The following RIMS1 variants were observed in gnomAD, a reference collection of about 807,000 sequenced individuals.
RIMS1 encodes regulating synaptic membrane exocytosis protein 1.
RIMS1 carries 83 observed loss-of-function variants against 214.1 expected under a neutral mutation model. The observed-to-expected ratio is 0.39, with a 90% CI of 0.32 to 0.47. The LOEUF (loss-of-function observed/expected upper bound fraction) is 0.47, where lower values mean the gene tolerates loss of function less well. Among genes scored for constraint, RIMS1 ranks in the 20% least tolerant of loss-of-function variants. The pLI is 0.99. For synonymous variants in RIMS1, 793 were observed against 786.8 expected (o/e 1.01, Z -0.13); for missense variants, 2,050 against 2,161.8 (o/e 0.95, Z 1.03).
chr6:72,286,151 TGCGCCATTGC>T (rs1191511313), intron 24 of RIMS1, among the ~76,000 whole-genome samples: 9 of 151,388 alleles, frequency 5.9e-5, no homozygotes, highest in Admixed American at 6.6e-5. Flanking sequence ...GAGCCGAGAT[TGCGCCATTGC>T]ACTCCAGCCT....
chr6:72,144,888 TC>T (rs199707517), intron 4 of RIMS1, among the ~76,000 whole-genome samples: 22 of 151,070 alleles, frequency 1.5e-4, no homozygotes, highest in Non-Finnish European at 3.2e-4. Flanking sequence ...CTTTCTTTTT[TC>T]TTTTTTTTTT....
intron 1 of RIMS1, among the ~76,000 whole-genome samples, chr6:71,928,818 G>A (rs1350913368): frequency 6.6e-6 from 1 of 152,038 alleles, no homozygotes; most frequent in Non-Finnish European, 1.5e-5. Context: ...TCATCCAGAT[G>A]ATTTTAACAT....
At chr6:71,999,209 T>C (rs368425725) in intron 2 of RIMS1, among the ~76,000 whole-genome samples, 12 of 152,240 alleles carry the variant, frequency 7.9e-5, no homozygotes, top group East Asian at 3.9e-4. Context: ...TCATACCAAA[T>C]GTTGGTAATC....
chr6:72,137,734 C>CTTT (rs1220065879), intron 4 of RIMS1, among the ~76,000 whole-genome samples: 12 of 128,676 alleles, frequency 9.3e-5, no homozygotes, highest in South Asian at 2.5e-4. Context: ...TCTATACAAT[C>CTTT]TTTTTTTTTT....
intron 2 of RIMS1, among the ~76,000 whole-genome samples, chr6:71,986,505 G>A (rs1476694767): frequency 1.3e-5 from 2 of 152,176 alleles, no homozygotes; most frequent in Admixed American, 1.3e-4. Flanking sequence ...GGGGAGAAGA[G>A]CATGGATTAT....
At chr6:71,920,123 A>G (rs1048354478) in intron 1 of RIMS1, among the ~76,000 whole-genome samples, 1 of 152,232 alleles carries the variant, frequency 6.6e-6, no homozygotes, top group Non-Finnish European at 1.5e-5. Flanking sequence ...AGGAATCAGT[A>G]AATTATGGTT....
At chr6:72,377,970 A>G (rs1308525180) in intron 29 of RIMS1, among the ~76,000 whole-genome samples, 1 of 152,218 alleles carries the variant, frequency 6.6e-6, no homozygotes, top group Non-Finnish European at 1.5e-5. Flanking sequence ...ATACTTACAC[A>G]TGCTGTCTGC....
At chr6:72,119,941 A>G (rs941074705) in intron 4 of RIMS1, among the ~76,000 whole-genome samples, 3 of 151,644 alleles carry the variant, frequency 2.0e-5, no homozygotes, top group African/African-American at 7.3e-5. Context: ...CCTCGGAATG[A>G]TGGTTTCCAG....
chr6:72,349,472 A>G lies in RIMS1; in HGVS notation c.4366+15637A>G, dbSNP rs895308351. Among the ~76,000 whole-genome samples the G allele has an allele frequency of 3.3e-5, 5 of 152,140 alleles. No individual in the cohort carries two copies. The South Asian group carries it at 8.3e-4, about 25-fold the overall frequency. ...TATAGTTGCATTGAAACACTGCTAT[A>G]TCTAGTGATGTAATGATGTAAAAGT... On this transcript the variant is annotated intron_variant, in intron 29 of 33. Transcript: ENST00000521978.
rs1336510966 is a variant in RIMS1 at position 72,216,476 on chromosome 6, C to G, written c.1679-17297C>G. 3 of 985,304 alleles carry G rather than the reference C, an allele frequency of 3.0e-6. No homozygotes were observed. The East Asian group carries it at 3.4e-4, about 112-fold the overall frequency. The allele number at this position is 985,304 out of a possible 1,614,324, so 61.0% of individuals were successfully genotyped here. On this transcript the variant is annotated intron_variant, in intron 6 of 33. Transcript: ENST00000521978. ...TGAAGAAGCACTTTTGCCTGTGTTC[C>G]CAACAATCAATTGTGTATACTCTTG...
chr6:71,901,693 G>T (rs897565740), intron 1 of RIMS1, among the ~76,000 whole-genome samples: 1 of 152,110 alleles, frequency 6.6e-6, no homozygotes. Flanking sequence ...ATTGATAGAG[G>T]TATGTATTAT....
At chr6:71,910,843 C>T (rs1776673881) in intron 1 of RIMS1, among the ~76,000 whole-genome samples, 5 of 152,098 alleles carry the variant, frequency 3.3e-5, no homozygotes, top group Admixed American at 3.3e-4. Context: ...TAATTTTTCA[C>T]TACCTTTTGG....
chr6:72,318,879 C>G (rs975364770), intron 28 of RIMS1, among the ~76,000 whole-genome samples: 4 of 152,076 alleles, frequency 2.6e-5, no homozygotes, highest in Admixed American at 1.3e-4. Flanking sequence ...CTTGTGACCT[C>G]AAGTTGGTAT....
At chr6:72,384,118 T>C (rs2098544822) in intron 29 of RIMS1, among the ~76,000 whole-genome samples, 1 of 152,166 alleles carries the variant, frequency 6.6e-6, no homozygotes, top group East Asian at 1.9e-4. Flanking sequence ...ATGTTATCTA[T>C]CTTTATACAT....
rs1433159960 is a variant in RIMS1, at chr6:72,120,056, A to T, written c.471+20070A>T. Among the ~76,000 whole-genome samples, 3 of 151,944 alleles carry T rather than the reference A, an allele frequency of 2.0e-5. 1 individual carries two copies. Among genetic ancestry groups the T allele is most frequent in the South Asian group, 4.2e-4 (2 of 4,812 alleles). On this transcript the variant is annotated intron_variant, in intron 4 of 33. Transcript: ENST00000521978. The stretch of plus-strand genomic sequence containing the variant: ...ATTTTCTTAATCCAGTCTATCATTG[A>T]TGGACATTTGGGTCGGTTCCAAGTC...
At chr6:72,356,345 T>A (rs78232730) in intron 29 of RIMS1, among the ~76,000 whole-genome samples, 1,820 of 152,256 alleles carry the variant, frequency 0.012, 19 homozygotes, top group African/African-American at 0.028. Flanking sequence ...CTTAAACTCT[T>A]CCACTGAAAG....
intron 2 of RIMS1, 112 bp from the exon 3 acceptor site, chr6:72,096,837 T>A (rs779497914): frequency 5.7e-6 from 5 of 873,940 alleles, no homozygotes; most frequent in African/African-American, 1.7e-5. Context: ...TGTTTTGCTT[T>A]AGTTCAAAGA....
chr6:71,958,974 C>A (rs1211238805), intron 1 of RIMS1, among the ~76,000 whole-genome samples: 1 of 152,050 alleles, frequency 6.6e-6, no homozygotes, highest in African/African-American at 2.4e-5. Flanking sequence ...AAAAGATAGA[C>A]AAAGAAGCAA....
intron 1 of RIMS1, among the ~76,000 whole-genome samples, chr6:71,966,993 GGA>G (rs1423108749): frequency 5.3e-5 from 8 of 151,954 alleles, no homozygotes; most frequent in African/African-American, 1.9e-4. Context: ...AGACTTGAGG[GGA>G]AAAAAAGAGA....
Sources: allele counts gnomAD v4.1 joint callset (sites outside exome capture counted in the v4.1 genomes callset), GRCh38; gene constraint gnomAD v4.1.1; transcripts MANE v1.5; gene names NCBI Gene and HGNC (gene_info 2026-07-23, HGNC 2026-07-21).